The following FTO variants were observed in gnomAD, a reference collection of about 807,000 sequenced individuals.
FTO encodes alpha-ketoglutarate-dependent dioxygenase FTO.
FTO carries 47 observed loss-of-function variants against 63.9 expected under a neutral mutation model. The ratio of observed to expected loss-of-function variants is 0.74; its 90% CI spans 0.58 to 0.94. The LOEUF is 0.94. Ranked by LOEUF, FTO falls within the 40% of genes least tolerant of loss-of-function variation. The pLI, the probability that FTO is intolerant of heterozygous loss-of-function variation, is 0.00. For synonymous variants in FTO, 207 were observed against 224.4 expected (o/e 0.92, Z 0.69); for missense variants, 562 against 618.1 (o/e 0.91, Z 0.96).
chr16:53,845,079 T>C (rs2079583792), intron 4 of FTO, among the ~76,000 whole-genome samples: 1 of 152,194 alleles, frequency 6.6e-6, no homozygotes, highest in East Asian at 1.9e-4. Context: ...GTTTTTTTCT[T>C]CTTTGCTGTA....
In FTO at chr16:53,926,867, A is replaced by AT. The variant is rs377447896; in HGVS notation, c.1240-7112dup. ...GAATTTGGATTTAAAAAAAAAAATC[A>AT]TTTTTTGTGTGTGTCCTCCAAATGC... is the stretch of plus-strand genomic sequence containing the variant. On this transcript the variant is annotated intron_variant, in intron 7 of 8. Coordinates refer to ENST00000471389, the MANE Select transcript of FTO (RefSeq NM_001080432.3). Among the ~76,000 whole-genome samples, 132 of 151,760 alleles carry AT rather than the reference A, an allele frequency of 8.7e-4. 1 individual carries two copies. Among genetic ancestry groups the AT allele is most frequent in the African/African-American group, 3.1e-3 (128 of 41,358 alleles).
At chr16:53,918,513 CTATT>C (rs1325049771) in intron 7 of FTO, among the ~76,000 whole-genome samples, 1 of 152,144 alleles carries the variant, frequency 6.6e-6, no homozygotes, top group Non-Finnish European at 1.5e-5. Context: ...ACACACAACT[CTATT>C]TAGCGAATCA....
rs71768399 is a variant in FTO, at chr16:53,839,818, TA to T, written c.752-4336del. 7.0e-3 allele frequency among the ~76,000 whole-genome samples: 329 copies of T among 47,306 alleles called. No individual in the cohort carries two copies. In the East Asian group the frequency reaches 0.07, roughly 10 times the overall value. 31.0% of individuals were successfully genotyped at this position (47,306 alleles called of 152,430 possible). A position where few individuals can be genotyped will look rare whatever the true frequency, so the allele number is the denominator to read the frequency against. ...TTATTTATTTATTTATTTATTTATT[TA>T]TTTTAAGGTGCAGTGTCACTATGTC... On this transcript the variant is annotated intron_variant, in intron 3 of 8. Transcript: ENST00000471389.
At chr16:53,951,545 G>A (rs1428389587) in intron 8 of FTO, among the ~76,000 whole-genome samples, 1 of 152,172 alleles carries the variant, frequency 6.6e-6, no homozygotes, top group Non-Finnish European at 1.5e-5. Flanking sequence ...AGATGATTCT[G>A]TGAGACACTG....
At chr16:54,038,808 G>A (rs2085004951) in intron 8 of FTO, among the ~76,000 whole-genome samples, 1 of 152,228 alleles carries the variant, frequency 6.6e-6, no homozygotes, top group African/African-American at 2.4e-5. Flanking sequence ...CAGAAGCCAA[G>A]TAGATGCTGG....
In FTO at chr16:53,933,699, GA is replaced by G. The variant is rs373424477; in HGVS notation, c.1240-276del. On this transcript the variant is annotated intron_variant, in intron 7 of 8. Coordinates refer to ENST00000471389, the MANE Select transcript of FTO (RefSeq NM_001080432.3). The stretch of plus-strand genomic sequence containing the variant: ...ATAGCTCATGGTAGGCAATTCCCAG[GA>G]AAAAAAAAATCGTTGGTGTGCTGAG... Among the ~76,000 whole-genome samples the G allele has an allele frequency of 7.6e-3, 1,136 of 149,488 alleles. 15 individuals are homozygous for G. The highest frequency in any genetic ancestry group is 0.026 in the African/African-American group (1,053 of 40,838).
At chr16:54,054,987 A>G (rs1189078643) in intron 8 of FTO, among the ~76,000 whole-genome samples, 1 of 152,216 alleles carries the variant, frequency 6.6e-6, no homozygotes, top group Non-Finnish European at 1.5e-5. Context: ...AGCTGAACTC[A>G]GGGTGCATTA....
intron 3 of FTO, among the ~76,000 whole-genome samples, chr16:53,842,478 G>C (rs941968090): frequency 6.6e-6 from 1 of 152,128 alleles, no homozygotes; most frequent in Non-Finnish European, 1.5e-5. Flanking sequence ...AAATCATAGT[G>C]TGTATACCTT....
intron 1 of FTO, among the ~76,000 whole-genome samples, chr16:53,765,853 T>G (rs1230116452): frequency 6.6e-6 from 1 of 152,106 alleles, no homozygotes; most frequent in African/African-American, 2.4e-5. Context: ...ATCATGAGGG[T>G]AGGGACTTTA....
intron 7 of FTO, among the ~76,000 whole-genome samples, chr16:53,921,832 T>A (rs114229120): frequency 0.017 from 2,641 of 152,224 alleles, 60 homozygotes; most frequent in African/African-American, 0.059. Context: ...TTTAAAAAGA[T>A]ATATTTATGT....
intron 7 of FTO, among the ~76,000 whole-genome samples, chr16:53,916,457 A>G (rs1373263340): frequency 6.6e-6 from 1 of 152,262 alleles, no homozygotes; most frequent in African/African-American, 2.4e-5. Flanking sequence ...TAAGAAGTAT[A>G]GAGTTGGAAA....
At chr16:53,879,710 AAAAG>A in intron 5 of FTO, 130 bp from the exon 6 acceptor site, 1 of 837,464 alleles carries the variant, frequency 1.2e-6, no homozygotes, top group Non-Finnish European at 1.8e-6. Context: ...AAAAAAAAAA[AAAAG>A]GAGTATAGAC....
intron 1 of FTO, among the ~76,000 whole-genome samples, chr16:53,763,912 T>G (rs990763922): frequency 6.6e-6 from 1 of 152,168 alleles, no homozygotes; most frequent in Non-Finnish European, 1.5e-5. Flanking sequence ...TTATTTTTGT[T>G]ACCAAAGCGA....
chr16:53,955,658 G>A (rs1296235573), intron 8 of FTO, among the ~76,000 whole-genome samples: 2 of 152,194 alleles, frequency 1.3e-5, no homozygotes, highest in Non-Finnish European at 2.9e-5. Flanking sequence ...GCTGTGTTAG[G>A]TGCTGTGGAA....
chr16:53,953,347 G>A (rs1015476347), intron 8 of FTO, among the ~76,000 whole-genome samples: 1 of 152,128 alleles, frequency 6.6e-6, no homozygotes, highest in African/African-American at 2.4e-5. Context: ...TTTTCTTTCT[G>A]GCAGGCTGAG....
intron 1 of FTO, among the ~76,000 whole-genome samples, chr16:53,756,727 A>G (rs1019386972): frequency 2.6e-5 from 4 of 152,218 alleles, no homozygotes; most frequent in Non-Finnish European, 4.4e-5. Flanking sequence ...TTTTCTGTGC[A>G]GTGTTTTTCC....
intron 1 of FTO, among the ~76,000 whole-genome samples, chr16:53,708,460 A>C (rs2075682183): frequency 6.6e-6 from 1 of 152,030 alleles, no homozygotes; most frequent in Non-Finnish European, 1.5e-5. Context: ...CATTTTGACT[A>C]TTATGGAAAA....
At chr16:53,712,477 G>GAGT (rs2075798836) in intron 1 of FTO, among the ~76,000 whole-genome samples, 1 of 152,158 alleles carries the variant, frequency 6.6e-6, no homozygotes, top group Non-Finnish European at 1.5e-5. Context: ...AATAGAAGAA[G>GAGT]AGTTAGTGTA....
intron 8 of FTO, among the ~76,000 whole-genome samples, chr16:53,988,670 C>T (rs2083729393): frequency 6.6e-6 from 1 of 152,090 alleles, no homozygotes; most frequent in African/African-American, 2.4e-5. Flanking sequence ...ACTGTTATCT[C>T]CTATTTTATA....
Sources: gnomAD v4.1 joint callset for allele counts (sites outside exome capture counted in the v4.1 genomes callset) on GRCh38, gnomAD v4.1.1 for gene constraint, MANE v1.5 for transcripts, NCBI Gene and HGNC (gene_info 2026-07-23, HGNC 2026-07-21) for gene names.